The following GOLGA8J variants were observed in gnomAD, a reference collection of about 807,000 sequenced individuals.
The protein encoded by GOLGA8J is golgin subfamily A member 8J.
A neutral mutation model predicts 67.7 loss-of-function variants in GOLGA8J; 19 were observed. That is an observed-to-expected ratio of 0.28 (90% CI 0.20 to 0.41). The LOEUF is 0.41. Among genes scored for constraint, GOLGA8J ranks in the 10% least tolerant of loss-of-function variants. GOLGA8J has a pLI of 1.00. For synonymous variants in GOLGA8J, 69 were observed against 215.9 expected, an observed-to-expected ratio of 0.32 and a Z score of 5.97; for missense variants, 205 against 584.3, an observed-to-expected ratio of 0.35 and a Z score of 6.69.
rs577441131 is a variant in GOLGA8J, at chr15:30,092,022, C to T, written c.1277-20C>T. The T allele has an allele frequency of 7.2e-5, 115 of 1,598,200 alleles. 8 individuals are homozygous for T. In the Admixed American group the frequency reaches 1.1e-3, roughly 15 times the overall value. ...TCCCTTGTTGGGTTGTCTGAAGACCCGTCTGACCACCCCCCACAGGACACG... is the reference window on the plus strand; with the variant it reads ...TCCCTTGTTGGGTTGTCTGAAGACCTGTCTGACCACCCCCCACAGGACACG... On this transcript the variant is annotated intron_variant, in intron 14 of 18. Transcript: ENST00000567927.
chr15:30,090,537 C>T (rs2057388897), intron 13 of GOLGA8J, among the ~76,000 whole-genome samples: 1 of 147,024 alleles, frequency 6.8e-6, no homozygotes, highest in Non-Finnish European at 1.5e-5. Context: ...GGGGAAGAGA[C>T]AGTGCTATAA....
rs74727634 is a variant in GOLGA8J at position 30,094,302 on chromosome 15, C to T, written c.*803C>T. 5.4e-5 allele frequency among the ~76,000 whole-genome samples: 8 copies of T among 147,136 alleles called. No individual in the cohort carries two copies. The highest frequency in any genetic ancestry group is 8.9e-5 in the Non-Finnish European group (6 of 67,572). ...GAGCTGCAGCAGTTGTACTCTTTTT[C>T]GATGACCTAAAAAGGGCTTATTTCT... On this transcript the variant is annotated 3_prime_UTR_variant, in exon 19 of 19. Transcript: ENST00000567927.
In GOLGA8J at chr15:30,089,941, C is replaced by G; in HGVS notation, c.1116C>G (p.Ser372Arg). ...KSLQQLAKPQ[S>R]VFKEPNNENK... The stretch of plus-strand genomic sequence containing the variant: ...TTCAGCAGCTGGCCAAGCCACAGAG[C>G]GTCTTCAAGGAGCCGGTGCGTTGCC... Residue 372 changes from serine to arginine, a missense_variant, in exon 12 of 19, where the codon AGC (serine) becomes AGG (arginine). Physicochemically the swap from Ser to Arg is moderately radical, Grantham distance 110. Coordinates refer to ENST00000567927, the MANE Select transcript of GOLGA8J (RefSeq NM_001282472.2). The G allele has an allele frequency of 6.5e-7, 1 of 1,536,472 alleles. No homozygotes were observed. The highest frequency in any genetic ancestry group is 2.3e-5 in the East Asian group (1 of 43,538).
Position 30,088,941 on chromosome 15 carries a change from G to A in GOLGA8J, c.687G>A (p.Glu229=), listed in dbSNP as rs558503460. 1,519 of 1,518,942 alleles carry A rather than the reference G, an allele frequency of 1.0e-3. 288 individuals carry two copies. In the South Asian group the frequency reaches 0.014, roughly 14 times the overall value. The allele number at this position is 1,518,942 out of a possible 1,614,324, so 94.1% of individuals were successfully genotyped here. ...LLKVQLTQFK[E]SFQQVQLERD... ...TGTGCCCATTCTTGCAGTTCAAGGA[G>A]TCATTTCAACAAGTCCAATTAGAAA... The change falls in exon 10 of 19, where the codon GAG becomes GAA. Residue 229 remains glutamate (E), a synonymous_variant. Coordinates refer to ENST00000567927, the MANE Select transcript of GOLGA8J (RefSeq NM_001282472.2).
chr15:30,091,134 C>T (rs1259726546), intron 13 of GOLGA8J, among the ~76,000 whole-genome samples: 8 of 91,004 alleles, frequency 8.8e-5, no homozygotes, highest in African/African-American at 4.1e-4. Flanking sequence ...ACAGTGCCCT[C>T]GCTACCCTAT....
In GOLGA8J at chr15:30,088,789, TGCG is replaced by T. The variant is rs2140565868; in HGVS notation, c.643_645del (p.Arg215del). The T allele has an allele frequency of 6.5e-7, 1 of 1,540,704 alleles. No individual in the cohort carries two copies. The highest frequency in any genetic ancestry group is 1.5e-5 in the African/African-American group (1 of 67,600). ...ACGGAGTGGAAGTTAGAGCAGTCCA[TGCG>T]GGAGGAGGCACTACTGAAAGTGCAG... On this transcript the variant is annotated inframe_deletion, in exon 9 of 19. Transcript: ENST00000567927.
Position 30,084,858 on chromosome 15 carries a change from G to A in GOLGA8J, c.136G>A (p.Ala46Thr). The change falls in exon 2 of 19, where the codon GCC (alanine) becomes ACC (threonine). Residue 46 changes from alanine to threonine, a missense_variant. Transcript: ENST00000567927. ...AACAAATGGCAGTATCCCTGAGAAA[G>A]CCACTTCTGGTGGTTGCCAGCCACC... is the stretch of plus-strand genomic sequence containing the variant. Reference protein sequence around the residue: ...RKTNGSIPEKATSGGCQPPRD... With the variant: ...RKTNGSIPEKTTSGGCQPPRD... 7.0e-7 allele frequency: 1 copy of A among 1,429,692 alleles called. No homozygotes were observed. The highest frequency in any genetic ancestry group is 9.1e-7 in the Non-Finnish European group (1 of 1,103,014). The allele number at this position is 1,429,692 out of a possible 1,614,324, so 88.6% of individuals were successfully genotyped here.
At position 30,084,910 on chromosome 15, in the gene GOLGA8J, G is replaced by A. The variant is rs1358524020; in HGVS notation, c.168+20G>A. 1 of 1,489,920 alleles carries A rather than the reference G, an allele frequency of 6.7e-7. No individual in the cohort carries two copies. The highest frequency in any genetic ancestry group is 1.2e-5 in the South Asian group (1 of 80,272). 92.3% of individuals were successfully genotyped at this position (1,489,920 alleles called of 1,614,324 possible). A position where few individuals can be genotyped will look rare whatever the true frequency, so the allele number is the denominator to read the frequency against. On this transcript the variant is annotated intron_variant, in intron 2 of 18. Transcript: ENST00000567927. ...AGGGATGTGAGTCTTGGCTGACCAG[G>A]CTTCTGGGGACAGGGGGCCCAAGGG...
At chr15:30,083,981 T>C in intron 1 of GOLGA8J, 1 of 372,610 alleles carries the variant, frequency 2.7e-6, no homozygotes, top group Non-Finnish European at 4.8e-6. Flanking sequence ...TTTTAACATT[T>C]TTTTCTGAGT....
In GOLGA8J at chr15:30,090,397, A is replaced by T. The variant is rs971449216; in HGVS notation, c.1200+117A>T. The T allele has an allele frequency of 4.3e-5, 65 of 1,526,874 alleles. 4 individuals carry two copies. The highest frequency in any genetic ancestry group is 5.5e-5 in the Non-Finnish European group (63 of 1,140,550). The allele number at this position is 1,526,874 out of a possible 1,614,324, so 94.6% of individuals were successfully genotyped here. On this transcript the variant is annotated intron_variant, in intron 13 of 18. Coordinates refer to ENST00000567927, the MANE Select transcript of GOLGA8J (RefSeq NM_001282472.2). ...TTCCAGCCTGGGGGCTGGTGACCAC[A>T]GCACCCCCCAGGGCAGTCCTGTGAC... is the stretch of plus-strand genomic sequence containing the variant.
At chr15:30,088,448 G>C in intron 8 of GOLGA8J, 1 of 518,722 alleles carries the variant, frequency 1.9e-6, no homozygotes, top group Non-Finnish European at 3.4e-6. Flanking sequence ...TGTTAGCACG[G>C]TACCTGGTGA....
chr15:30,094,985 G>T lies in GOLGA8J; in HGVS notation c.*1486G>T, dbSNP rs1030982590. ...TTTCTCACAGACTTCTTTACAAAGT[G>T]AAATATGTTTTTGTACCTCTGGGTT... On this transcript the variant is annotated 3_prime_UTR_variant, in exon 19 of 19. Coordinates refer to ENST00000567927, the MANE Select transcript of GOLGA8J (RefSeq NM_001282472.2). 4.6e-3 allele frequency among the ~76,000 whole-genome samples: 663 copies of T among 143,586 alleles called. 20 individuals carry two copies. The highest frequency in any genetic ancestry group is 7.0e-3 in the Middle Eastern group (2 of 284). 94.2% of individuals were successfully genotyped at this position (143,586 alleles called of 152,430 possible).
Position 30,093,194 on chromosome 15 carries a change from G to C in GOLGA8J, c.1678G>C (p.Gly560Arg). 1 of 1,564,768 alleles carries C rather than the reference G, an allele frequency of 6.4e-7. No homozygotes were observed. The highest frequency in any genetic ancestry group is 8.6e-7 in the Non-Finnish European group (1 of 1,164,910). The change falls in exon 18 of 19, where the codon GGA (glycine) becomes CGA (arginine). Residue 560 changes from glycine (G) to arginine (R), a missense_variant. Physicochemically the swap from Gly to Arg is moderately radical, Grantham distance 125 (BLOSUM62 -2). Coordinates refer to ENST00000567927, the MANE Select transcript of GOLGA8J (RefSeq NM_001282472.2). ...AHNSADEPGP[G>R]APAPQELGAA... Reference sequence around the variant, plus strand: ...CAACTCTGCTGATGAGCCCGGTCCAGGAGCCCCAGCCCCCCAGGAGCTTGG... The same window carrying C: ...CAACTCTGCTGATGAGCCCGGTCCACGAGCCCCAGCCCCCCAGGAGCTTGG...
Position 30,089,997 on chromosome 15 carries a change from C to T in GOLGA8J, c.1131+41C>T, listed in dbSNP as rs2057380988. 1.8e-5 allele frequency: 26 copies of T among 1,451,208 alleles called. 2 individuals carry two copies. The highest frequency in any genetic ancestry group is 2.2e-5 in the Non-Finnish European group (24 of 1,104,630). 89.9% of individuals were successfully genotyped at this position (1,451,208 alleles called of 1,614,324 possible). On this transcript the variant is annotated intron_variant, in intron 12 of 18. Coordinates refer to ENST00000567927, the MANE Select transcript of GOLGA8J (RefSeq NM_001282472.2). ...TGGGGAGCTTGCCCTCCTCCCTAGA[C>T]CTCCGGGCCTTTGTTTCCCCACCTC...
At position 30,094,194 on chromosome 15, in the gene GOLGA8J, T is replaced by C. The variant is rs1209642666; in HGVS notation, c.*695T>C. ...GCAGGATAGAGTGTGTTTCATCTGT[T>C]CCGGTGCCCGGAATTAGCAGTGTAT... On this transcript the variant is annotated 3_prime_UTR_variant, in exon 19 of 19. Transcript: ENST00000567927. 7.0e-6 allele frequency among the ~76,000 whole-genome samples: 1 copy of C among 143,042 alleles called. No individual in the cohort carries two copies. Among genetic ancestry groups the C allele is most frequent in the Non-Finnish European group, 1.5e-5 (1 of 67,312 alleles). 93.8% of individuals were successfully genotyped at this position (143,042 alleles called of 152,430 possible).
At position 30,089,723 on chromosome 15, in the gene GOLGA8J, C is replaced by G; in HGVS notation, c.898C>G (p.Pro300Ala). 1 of 1,531,474 alleles carries G rather than the reference C, an allele frequency of 6.5e-7. No individual in the cohort carries two copies. The highest frequency in any genetic ancestry group is 8.8e-7 in the Non-Finnish European group (1 of 1,142,514). 94.9% of individuals were successfully genotyped at this position (1,531,474 alleles called of 1,614,324 possible). The part of the protein sequence containing the change: ...QMAEPLPPEP[P>A]AVPSEVELQH... The stretch of plus-strand genomic sequence containing the variant: ...AGCTGAACCCTTGCCCCCGGAGCCC[C>G]CAGCAGTGCCCTCTGAGGTGGAGCT... Residue 300 changes from proline (P) to alanine (A), a missense_variant, in exon 12 of 19, where the codon CCA becomes GCA. By Grantham distance (27) the Pro-to-Ala change is conservative. Coordinates refer to ENST00000567927, the MANE Select transcript of GOLGA8J (RefSeq NM_001282472.2).
Position 30,089,894 on chromosome 15 carries a change from A to G in GOLGA8J, c.1069A>G (p.Ile357Val), listed in dbSNP as rs996604249. Residue 357 changes from isoleucine to valine, a missense_variant, in exon 12 of 19, where the codon ATT becomes GTT. Coordinates refer to ENST00000567927, the MANE Select transcript of GOLGA8J (RefSeq NM_001282472.2). ...EERLRKQEER[I>V]QEQHKSLQQL... Reference sequence around the variant, plus strand: ...GAGGCTTCGGAAGCAGGAGGAGAGGATTCAGGAGCAGCACAAGAGCCTTCA... The same window carrying G: ...GAGGCTTCGGAAGCAGGAGGAGAGGGTTCAGGAGCAGCACAAGAGCCTTCA... 145 of 1,521,910 alleles carry G rather than the reference A, an allele frequency of 9.5e-5. 13 individuals are homozygous for G. Among genetic ancestry groups the G allele is most frequent in the Non-Finnish European group, 1.2e-4 (137 of 1,142,708 alleles). 94.3% of individuals were successfully genotyped at this position (1,521,910 alleles called of 1,614,324 possible).
At chr15:30,092,323 G>T (rs367639595) in intron 15 of GOLGA8J, among the ~76,000 whole-genome samples, 190 bp downstream of exon 15, 2 of 140,214 alleles carry the variant, frequency 1.4e-5, no homozygotes, top group African/African-American at 2.8e-5. Context: ...AAGGGGTTGC[G>T]CTCCACCTCT....
At position 30,094,400 on chromosome 15, in the gene GOLGA8J, A is replaced by C. The variant is rs1255836482; in HGVS notation, c.*901A>C. Reference sequence around the variant, plus strand: ...CCTAGCTTAGAGCATTTGTATCTACAATACATTTTAAAGTCAGAGTTCATG... The same window carrying C: ...CCTAGCTTAGAGCATTTGTATCTACCATACATTTTAAAGTCAGAGTTCATG... On this transcript the variant is annotated 3_prime_UTR_variant, in exon 19 of 19. Transcript: ENST00000567927. 6.8e-5 allele frequency among the ~76,000 whole-genome samples: 10 copies of C among 147,072 alleles called. 1 individual carries two copies. The highest frequency in any genetic ancestry group is 1.2e-4 in the Non-Finnish European group (8 of 67,622).
Sources: allele counts gnomAD v4.1 joint callset (sites outside exome capture counted in the v4.1 genomes callset), GRCh38; gene constraint gnomAD v4.1.1; transcripts MANE v1.5; gene names NCBI Gene and HGNC (gene_info 2026-07-23, HGNC 2026-07-21).